Variants in RASGRF2 observed in about 807,000 individuals in gnomAD.
RASGRF2 encodes Ras protein specific guanine nucleotide releasing factor 2.
In RASGRF2, 76 loss-of-function variants were observed where a neutral mutation model predicts 151.0. The observed-to-expected ratio is 0.50, with a 90% CI of 0.42 to 0.61. The LOEUF (loss-of-function observed/expected upper bound fraction) is 0.61, where lower values mean the gene tolerates loss of function less well. Ranked by LOEUF, RASGRF2 falls within the 20% of genes least tolerant of loss-of-function variation. The probability of loss-of-function intolerance (pLI) is 0.00; values close to 1 mark genes in which losing one functional copy is unlikely to be tolerated. For synonymous variants in RASGRF2, 504 were observed against 566.5 expected, an observed-to-expected ratio of 0.89 and a Z score of 1.57; for missense variants, 1,148 against 1,564.6, an observed-to-expected ratio of 0.73 and a Z score of 4.49.
chr5:81,097,763 G>A (rs766321888), intron 12 of RASGRF2, among the ~76,000 whole-genome samples: 10 of 152,172 alleles, frequency 6.6e-5, no homozygotes, highest in Non-Finnish European at 1.3e-4. Context: ...TGTGGCTGGA[G>A]TAGGGTATGC....
At chr5:80,971,368 A>G (rs1165101205) in intron 1 of RASGRF2, among the ~76,000 whole-genome samples, 2 of 152,124 alleles carry the variant, frequency 1.3e-5, no homozygotes, top group East Asian at 3.9e-4. Flanking sequence ...CCTCAACATC[A>G]TATTTGTGAG....
At chr5:81,175,984 T>C (rs558506584) in intron 17 of RASGRF2, among the ~76,000 whole-genome samples, 1 of 152,264 alleles carries the variant, frequency 6.6e-6, no homozygotes, top group Non-Finnish European at 1.5e-5. Flanking sequence ...TGTAGCAGTT[T>C]GATCATTTTT....
At chr5:81,091,130 C>T (rs1258754811) in intron 9 of RASGRF2, among the ~76,000 whole-genome samples, 1 of 152,190 alleles carries the variant, frequency 6.6e-6, no homozygotes, top group Non-Finnish European at 1.5e-5. Context: ...GCTACTTGGC[C>T]TCAGACCTCA....
chr5:81,017,013 T>A (rs1300438958), intron 1 of RASGRF2, among the ~76,000 whole-genome samples: 1 of 152,216 alleles, frequency 6.6e-6, no homozygotes, highest in Non-Finnish European at 1.5e-5. Flanking sequence ...ACTGTTTTTG[T>A]ATGTGCTGGT....
intron 17 of RASGRF2, among the ~76,000 whole-genome samples, chr5:81,159,497 A>G (rs187064481): frequency 1.4e-4 from 21 of 152,398 alleles, no homozygotes; most frequent in Admixed American, 1.2e-3. Context: ...GGGATGTTAC[A>G]TTAAATATCC....
chr5:81,217,569 CT>C (rs1048533268), intron 25 of RASGRF2, 96 bp downstream of exon 25: 1 of 421,216 alleles, frequency 2.4e-6, no homozygotes, highest in Non-Finnish European at 3.4e-6. Flanking sequence ...TTTTTTTTTT[CT>C]CTTCTTTTTT....
chr5:81,210,321 G>C (rs1216069290), intron 22 of RASGRF2: 1 of 152,356 alleles, frequency 6.6e-6, no homozygotes, highest in Non-Finnish European at 1.5e-5. Flanking sequence ...GCTTGAGCCA[G>C]TCGCTCCCGC....
At chr5:81,221,189 C>A (rs1456374815) in intron 26 of RASGRF2, among the ~76,000 whole-genome samples, 1 of 152,100 alleles carries the variant, frequency 6.6e-6, no homozygotes, top group East Asian at 1.9e-4. Flanking sequence ...TAAAGTTATT[C>A]TTTTTCCTTC....
At chr5:81,029,022 G>A in intron 1 of RASGRF2, among the ~76,000 whole-genome samples, 1 of 152,348 alleles carries the variant, frequency 6.6e-6, no homozygotes, top group Non-Finnish European at 1.5e-5. Context: ...GGCTCGGAGG[G>A]TCCCATGCCC....
At chr5:81,197,804 T>TA (rs749322612) in intron 18 of RASGRF2, among the ~76,000 whole-genome samples, 21 of 152,252 alleles carry the variant, frequency 1.4e-4, no homozygotes, top group Admixed American at 2.6e-4. Context: ...CATATAAAGA[T>TA]ATAGTCTATC....
intron 1 of RASGRF2, among the ~76,000 whole-genome samples, chr5:81,001,832 A>G (rs1489049187): frequency 1.3e-5 from 2 of 152,218 alleles, no homozygotes; most frequent in Admixed American, 1.3e-4. Context: ...CCCAGCAGAG[A>G]TTCTGCAATA....
chr5:81,122,501 G>A (rs1753336801), intron 15 of RASGRF2, among the ~76,000 whole-genome samples: 1 of 152,118 alleles, frequency 6.6e-6, no homozygotes, highest in Non-Finnish European at 1.5e-5. Context: ...AAGCAAAATT[G>A]TGGCCATATT....
At chr5:81,105,253 T>C (rs913260075) in intron 12 of RASGRF2, among the ~76,000 whole-genome samples, 2 of 152,182 alleles carry the variant, frequency 1.3e-5, no homozygotes, top group African/African-American at 2.4e-5. Context: ...GTGCATTTCC[T>C]GGATTTTCAG....
chr5:81,036,965 T>C (rs1750519688), intron 1 of RASGRF2, among the ~76,000 whole-genome samples: 1 of 152,222 alleles, frequency 6.6e-6, no homozygotes, highest in Admixed American at 6.5e-5. Flanking sequence ...GGAGATTTAA[T>C]GGACTCACAG....
intron 13 of RASGRF2, among the ~76,000 whole-genome samples, chr5:81,111,307 G>C (rs936062470): frequency 6.6e-6 from 1 of 152,154 alleles, no homozygotes. Flanking sequence ...TCTCAGAAGG[G>C]GAAGTGAAAG....
At position 81,201,741 on chromosome 5, in the gene RASGRF2, C is replaced by T. The variant is rs1365636373; in HGVS notation, c.2906+299C>T. Among the ~76,000 whole-genome samples, 4 of 152,268 alleles carry T rather than the reference C, an allele frequency of 2.6e-5. No homozygotes were observed. In the East Asian group the frequency reaches 7.7e-4, roughly 29 times the overall value. On this transcript the variant is annotated intron_variant, in intron 19 of 26. Coordinates refer to ENST00000265080, the MANE Select transcript of RASGRF2 (RefSeq NM_006909.3). ...AGGAACCCTTGAGGAGCCTCTCCTG[C>T]AAGTCCGGCAGGCATCAAAGAGAGA... is the stretch of plus-strand genomic sequence containing the variant.
rs1210362840 is a variant in RASGRF2, at chr5:81,042,880, T to C, written c.292T>C (p.Tyr98His). 6.2e-7 allele frequency: 1 copy of C among 1,605,924 alleles called. No individual in the cohort carries two copies. Among genetic ancestry groups the C allele is most frequent in the African/African-American group, 1.3e-5 (1 of 74,806 alleles). The change falls in exon 2 of 27, where the codon TAC (tyrosine) becomes CAC (histidine). Residue 98 changes from tyrosine (Y) to histidine (H), a missense_variant. This residue lies in a region of RASGRF2 where 221 missense variants were observed against 271.3 expected (regional missense o/e 0.81). Transcript: ENST00000265080. ...GVRDALDKQY[Y>H]FTVLFGHEGQ... Reference sequence around the variant, plus strand: ...TTGTGTTTCTTTTTCTTTCCAGTATTACTTTACTGTTCTTTTTGGCCATGA... The same window carrying C: ...TTGTGTTTCTTTTTCTTTCCAGTATCACTTTACTGTTCTTTTTGGCCATGA...
intron 1 of RASGRF2, among the ~76,000 whole-genome samples, chr5:81,015,647 A>G (rs1749607073): frequency 6.6e-6 from 1 of 151,216 alleles, no homozygotes. Context: ...ACCTCTTCAT[A>G]TATTAAATAC....
At chr5:81,057,592 A>C (rs1181475976) in intron 2 of RASGRF2, among the ~76,000 whole-genome samples, 1 of 152,212 alleles carries the variant, frequency 6.6e-6, no homozygotes, top group Non-Finnish European at 1.5e-5. Context: ...TTTACGAGGT[A>C]CAAGGTGATG....
Sources: allele counts gnomAD v4.1 joint callset (sites outside exome capture counted in the v4.1 genomes callset), GRCh38; gene constraint gnomAD v4.1.1; regional missense constraint gnomAD v4.1.1; transcripts MANE v1.5; gene names NCBI Gene and HGNC (gene_info 2026-07-23, HGNC 2026-07-21).